The following MYRF variants were observed in gnomAD, a reference collection of about 807,000 sequenced individuals.
The protein encoded by MYRF is myelin gene regulatory factor.
In MYRF, 16 loss-of-function variants were observed where a neutral mutation model predicts 126.3. That is an observed-to-expected ratio of 0.13 (90% confidence interval 0.09 to 0.19). MYRF has a LOEUF of 0.19. Ranked by LOEUF, MYRF falls within the 10% of genes least tolerant of loss-of-function variation. MYRF has a pLI of 1.00. For missense variants in MYRF, 1,104 were observed against 1,547.0 expected (o/e 0.71, Z 4.80); for synonymous variants, 608 against 635.3 (o/e 0.96, Z 0.65).
intron 1 of MYRF, among the ~76,000 whole-genome samples, chr11:61,763,506 G>T (rs1199465371): frequency 4.6e-5 from 7 of 152,226 alleles, no homozygotes; most frequent in Admixed American, 2.0e-4. Flanking sequence ...CAGCATTCTG[G>T]GCTGGGAGGA....
chr11:61,769,301 A>T lies in MYRF; in HGVS notation c.440A>T (p.Tyr147Phe). ...CCCCCAGACTCGGGCTCCGAGGCCT[A>T]CTCCCCCCAGCAGGTGAATGGTGAG... Reference protein sequence around the residue: ...DSPPDSGSEAYSPQQVNEPHL... With the variant: ...DSPPDSGSEAFSPQQVNEPHL... Residue 147 changes from tyrosine (Y) to phenylalanine (F), a missense_variant, in exon 4 of 27, where the codon TAC becomes TTC. Coordinates refer to ENST00000278836, the MANE Select transcript of MYRF (RefSeq NM_001127392.3). 1 of 1,609,756 alleles carries T rather than the reference A, an allele frequency of 6.2e-7. No homozygotes were observed. Among genetic ancestry groups the T allele is most frequent in the African/African-American group, 1.3e-5 (1 of 74,686 alleles).
intron 20 of MYRF, 40 bp downstream of exon 20, chr11:61,781,085 C>A: frequency 1.2e-6 from 2 of 1,611,090 alleles, no homozygotes; most frequent in Non-Finnish European, 1.7e-6. Flanking sequence ...AGGGAGGTTG[C>A]TATGTTCTGT....
chr11:61,773,034 CT>C (rs2066270047), intron 7 of MYRF, among the ~76,000 whole-genome samples: 1 of 141,016 alleles, frequency 7.1e-6, no homozygotes, highest in Admixed American at 7.3e-5. Flanking sequence ...GAGACAGGGT[CT>C]TGCTCTGTTG....
chr11:61,763,805 C>T (rs1245185926), intron 1 of MYRF, among the ~76,000 whole-genome samples: 13 of 151,966 alleles, frequency 8.6e-5, no homozygotes, highest in Admixed American at 6.6e-5. Context: ...GTGGAGGTTG[C>T]AGTGAACCAA....
In MYRF at chr11:61,784,348, G is replaced by A; in HGVS notation, c.3263G>A (p.Ser1088Asn). Residue 1088 changes from serine to asparagine, a missense_variant, in exon 25 of 27, where the codon AGC becomes AAC. Ser to Asn is a conservative substitution (Grantham distance 46). Transcript: ENST00000278836. ...AAGGAGGAACCATGTGAGGAGGGGA[G>A]CCTTCCACAGAGTCTCCACACCCAC... ...RSKEEPCEEG[S>N]LPQSLHTHQD... 1 of 1,614,002 alleles carries A rather than the reference G, an allele frequency of 6.2e-7. No homozygotes were observed. Among genetic ancestry groups the A allele is most frequent in the Non-Finnish European group, 8.5e-7 (1 of 1,180,012 alleles).
At chr11:61,753,062 C>T (rs2065650463) in intron 1 of MYRF, among the ~76,000 whole-genome samples, 1 of 152,120 alleles carries the variant, frequency 6.6e-6, no homozygotes, top group Non-Finnish European at 1.5e-5. Context: ...TCCTTTGAGC[C>T]TTCCAGGACC....
At chr11:61,754,918 G>A (rs1191824601) in intron 1 of MYRF, among the ~76,000 whole-genome samples, 1 of 152,220 alleles carries the variant, frequency 6.6e-6, no homozygotes, top group Non-Finnish European at 1.5e-5. Context: ...TGTGAGAGAA[G>A]GCCTGGGAGT....
chr11:61,764,949 GC>G (rs2135739947), intron 1 of MYRF, among the ~76,000 whole-genome samples: 1 of 152,344 alleles, frequency 6.6e-6, no homozygotes, highest in South Asian at 2.1e-4. Context: ...AAGTTCCCCC[GC>G]CTGTGCCCAA....
At chr11:61,762,241 G>C (rs939255530) in intron 1 of MYRF, among the ~76,000 whole-genome samples, 10 of 152,088 alleles carry the variant, frequency 6.6e-5, no homozygotes, top group African/African-American at 2.4e-4. Context: ...AAAGGCTGTC[G>C]GGGGCAGGCA....
At chr11:61,767,193 C>T in intron 3 of MYRF, 1 of 456,758 alleles carries the variant, frequency 2.2e-6, no homozygotes, top group Non-Finnish European at 4.4e-6. Flanking sequence ...AGGGGTGAAC[C>T]TTTGCTGCAG....
chr11:61,781,399 T>A, intron 21 of MYRF, 70 bp downstream of exon 21: 1 of 1,578,180 alleles, frequency 6.3e-7, no homozygotes, highest in Non-Finnish European at 8.6e-7. Flanking sequence ...CAAATACTCA[T>A]TGGTGGGAGG....
At chr11:61,784,085 G>T in intron 24 of MYRF, 160 bp downstream of exon 24, 2 of 1,034,192 alleles carry the variant, frequency 1.9e-6, no homozygotes, top group East Asian at 2.6e-5. Flanking sequence ...TGGTTAACTG[G>T]CTAAATGACC....
intron 22 of MYRF, chr11:61,782,703 G>T (rs1002144718): frequency 6.6e-6 from 1 of 152,292 alleles, no homozygotes; most frequent in South Asian, 2.1e-4. Context: ...TGGAGTTGGT[G>T]ACATTTGAGC....
In MYRF at chr11:61,777,627, G is replaced by A; in HGVS notation, c.1792-107G>A. 7.6e-7 allele frequency: 1 copy of A among 1,312,560 alleles called. No homozygotes were observed. The highest frequency in any genetic ancestry group is 1.1e-6 in the Non-Finnish European group (1 of 946,480). 81.3% of individuals were successfully genotyped at this position (1,312,560 alleles called of 1,614,324 possible). A position where few individuals can be genotyped will look rare whatever the true frequency, so the allele number is the denominator to read the frequency against. Reference sequence around the variant, plus strand: ...CCCGATCTAACCACTCCAGTGGTGGGGTCTCCTCTCCACACTGCAGCCTCC... The same window carrying A: ...CCCGATCTAACCACTCCAGTGGTGGAGTCTCCTCTCCACACTGCAGCCTCC... On this transcript the variant is annotated intron_variant, in intron 12 of 26. Coordinates refer to ENST00000278836, the MANE Select transcript of MYRF (RefSeq NM_001127392.3). This position sits in a 1 kb window ranked among gnomAD's most constrained non-coding sequence, Gnocchi z 8.8.
chr11:61,771,434 G>C, intron 5 of MYRF, 66 bp from the exon 6 acceptor site: 1 of 1,558,068 alleles, frequency 6.4e-7, no homozygotes, highest in Non-Finnish European at 8.7e-7. Context: ...GAGAGAGGTG[G>C]ATACTACCCA....
At chr11:61,773,629 G>A (rs1408103172) in intron 7 of MYRF, among the ~76,000 whole-genome samples, 3 of 152,174 alleles carry the variant, frequency 2.0e-5, no homozygotes, top group African/African-American at 7.2e-5. Flanking sequence ...GGAAGGAGCC[G>A]AGTGTGGGGA....
chr11:61,771,875 C>T lies in MYRF; in HGVS notation c.1038C>T (p.Pro346=). ...GCCTCAGTGGCTCCTACCTGGACCCCAACTACCAGTCCATCAAGTGGCAGC... is the reference window on the plus strand; with the variant it reads ...GCCTCAGTGGCTCCTACCTGGACCCTAACTACCAGTCCATCAAGTGGCAGC... ...SDSLSGSYLD[P]NYQSIKWQPH... The change falls in exon 7 of 27, where the codon CCC becomes CCT. Residue 346 remains proline, a synonymous_variant. Coordinates refer to ENST00000278836, the MANE Select transcript of MYRF (RefSeq NM_001127392.3). 1 of 1,614,178 alleles carries T rather than the reference C, an allele frequency of 6.2e-7. No homozygotes were observed. The highest frequency in any genetic ancestry group is 8.5e-7 in the Non-Finnish European group (1 of 1,180,022).
chr11:61,770,197 G>C, intron 4 of MYRF, 49 bp from the exon 5 acceptor site: 1 of 1,524,746 alleles, frequency 6.6e-7, no homozygotes, highest in South Asian at 1.3e-5. Context: ...GTGCCCAGGA[G>C]CCTGAGTGAG....
In MYRF at chr11:61,772,897, A is replaced by G. The variant is rs766540777; in HGVS notation, c.1115+945A>G. ...GGCCTCTTCCCACAAGTTTGGAAGC[A>G]TTCTCCCTGCCCAGCTTCCGCCAGG... On this transcript the variant is annotated intron_variant, in intron 7 of 26. Transcript: ENST00000278836. 1.9e-4 allele frequency among the ~76,000 whole-genome samples: 29 copies of G among 151,968 alleles called. 1 individual carries two copies. Among genetic ancestry groups the G allele is most frequent in the Non-Finnish European group, 3.8e-4 (26 of 68,002 alleles).
Sources: allele counts gnomAD v4.1 joint callset (sites outside exome capture counted in the v4.1 genomes callset), GRCh38; gene constraint gnomAD v4.1.1; non-coding constraint Gnocchi (gnomAD v3.1); transcripts MANE v1.5; gene names NCBI Gene and HGNC (gene_info 2026-07-23, HGNC 2026-07-21).